The following CRHR2 variants were observed in gnomAD, a reference collection of about 807,000 sequenced individuals.
CRHR2 encodes the protein corticotropin releasing hormone receptor 2, also known as corticotropin-releasing hormone receptor 2.
CRHR2 carries 53 observed loss-of-function variants against 57.9 expected under a neutral mutation model. The observed-to-expected ratio is 0.92, with a 90% confidence interval of 0.73 to 1.15. The LOEUF (loss-of-function observed/expected upper bound fraction) is 1.15. Ranked by LOEUF, CRHR2 falls within the 50% of genes most tolerant of loss-of-function variation. CRHR2 has a pLI of 0.00. For synonymous variants in CRHR2, 213 were observed against 220.9 expected, an observed-to-expected ratio of 0.96 and a Z score of 0.32; for missense variants, 532 against 542.6, an observed-to-expected ratio of 0.98 and a Z score of 0.19.
chr7:30,665,707 G>T lies in CRHR2; in HGVS notation c.316-68C>A. 1.5e-6 allele frequency: 2 copies of T among 1,338,938 alleles called. No homozygotes were observed. The highest frequency in any genetic ancestry group is 2.1e-6 in the Non-Finnish European group (2 of 958,562). The allele number at this position is 1,338,938 out of a possible 1,614,324, so 82.9% of individuals were successfully genotyped here. On this transcript the variant is annotated intron_variant, in intron 3 of 11. Transcript: ENST00000471646. This position sits in a 1 kb window ranked among gnomAD's most constrained non-coding sequence, Gnocchi z 4.5. ...CGTGGGGGTGGGGCTGGGTATTCCA[G>T]CCGTGGCCACCTCTGTGTCCTGACC...
rs765405966 is a variant in CRHR2 at position 30,653,468 on chromosome 7, C to T, written c.1228G>A (p.Ala410Thr). The part of the protein sequence containing the change: ...ISFHSIKQTA[A>T]V The stretch of plus-strand genomic sequence containing the variant: ...GGTGGGCGACCGAGGGGTCACACAG[C>T]GGCCGTCTGCTTGATGCTGTGGAAG... Residue 410 changes from alanine (A) to threonine (T), a missense_variant, in exon 12 of 12, where the codon GCT (alanine) becomes ACT (threonine). Physicochemically the swap from Ala to Thr is moderately conservative, Grantham distance 58. Transcript: ENST00000471646. The surrounding 1 kb of genome is among the most constrained non-coding windows in gnomAD (Gnocchi z 5.0). The T allele has an allele frequency of 7.6e-5, 122 of 1,612,988 alleles. No homozygotes were observed. In the African/African-American group the frequency reaches 1.0e-3, roughly 13 times the overall value.
At chr7:30,661,248 C>T (rs569802367) in intron 7 of CRHR2, among the ~76,000 whole-genome samples, 1 of 152,188 alleles carries the variant, frequency 6.6e-6, no homozygotes, top group African/African-American at 2.4e-5. Context: ...GGGTCTGGGT[C>T]GGCCAGCAAC....
In CRHR2 at chr7:30,679,456, G is replaced by A. The variant is rs76401912; in HGVS notation, c.229+2459C>T. Among the ~76,000 whole-genome samples, 10 of 152,256 alleles carry A rather than the reference G, an allele frequency of 6.6e-5. No homozygotes were observed. In the East Asian group the frequency reaches 1.7e-3, roughly 26 times the overall value. ...TATGTATCTCAGAGGGAGTGTGGGC[G>A]AGTGGGATTATGGATGCCTGAGATA... On this transcript the variant is annotated intron_variant, in intron 2 of 11. Coordinates refer to ENST00000471646, the MANE Select transcript of CRHR2 (RefSeq NM_001883.5).
chr7:30,684,369 G>C (rs1228984861), upstream of CRHR2, among the ~76,000 whole-genome samples: 1 of 152,210 alleles, frequency 6.6e-6, no homozygotes, highest in East Asian at 1.9e-4. Flanking sequence ...GAAATCCTAA[G>C]CCAAGCTTAA....
upstream of CRHR2, among the ~76,000 whole-genome samples, chr7:30,684,306 T>A (rs1309312487): frequency 1.3e-5 from 2 of 152,210 alleles, no homozygotes; most frequent in Non-Finnish European, 2.9e-5. Context: ...ATAGTGTCCC[T>A]CATATACAAG....
rs1783811327 is a variant in CRHR2, at chr7:30,656,941, C to T, written c.832-929G>A. On this transcript the variant is annotated intron_variant, in intron 8 of 11. Transcript: ENST00000471646. This position sits in a 1 kb window ranked among gnomAD's most constrained non-coding sequence, Gnocchi z 4.4. ...CACATCTGCGTTTCTCTTCACCTGC[C>T]TCCGAGCATAGGCAGGCAGGCAGGC... Among the ~76,000 whole-genome samples, 1 of 152,150 alleles carries T rather than the reference C, an allele frequency of 6.6e-6. No homozygotes were observed. Among genetic ancestry groups the T allele is most frequent in the Non-Finnish European group, 1.5e-5 (1 of 68,012 alleles).
rs895344368 is a variant in CRHR2 at position 30,665,785 on chromosome 7, G to A, written c.316-146C>T. 50 of 647,950 alleles carry A rather than the reference G, an allele frequency of 7.7e-5. 1 individual carries two copies. The South Asian group carries it at 8.8e-4, about 11-fold the overall frequency. 40.1% of individuals were successfully genotyped at this position (647,950 alleles called of 1,614,324 possible). On this transcript the variant is annotated intron_variant, in intron 3 of 11. Coordinates refer to ENST00000471646, the MANE Select transcript of CRHR2 (RefSeq NM_001883.5). This position sits in a 1 kb window ranked among gnomAD's most constrained non-coding sequence, Gnocchi z 4.5. ...TTGCCGTGCCTGGCTCTTAGGGTTC[G>A]TTCCTGTTGGCCCTGGGTGGCTCTT...
At chr7:30,654,040 C>T (rs770177442) in intron 11 of CRHR2, among the ~76,000 whole-genome samples, 4 of 152,142 alleles carry the variant, frequency 2.6e-5, no homozygotes, top group Non-Finnish European at 5.9e-5. Context: ...AAGACCGTCC[C>T]CTCTGCACCC....
At position 30,655,718 on chromosome 7, in the gene CRHR2, G is replaced by A; in HGVS notation, c.918-3C>T. On this transcript the variant is annotated splice_polypyrimidine_tract_variant and splice_region_variant and intron_variant, in intron 9 of 11. Coordinates refer to ENST00000471646, the MANE Select transcript of CRHR2 (RefSeq NM_001883.5). ...CCAGGGTGGCCTTCACTGCCTTCCT[G>A]GGGGCGAGAGGTGGACACAGGTCTG... 1 of 1,612,700 alleles carries A rather than the reference G, an allele frequency of 6.2e-7. No homozygotes were observed. The highest frequency in any genetic ancestry group is 8.5e-7 in the Non-Finnish European group (1 of 1,179,184).
intron 2 of CRHR2, among the ~76,000 whole-genome samples, chr7:30,672,385 G>A (rs1371033144): frequency 2.0e-5 from 3 of 152,240 alleles, no homozygotes; most frequent in Non-Finnish European, 4.4e-5. Context: ...AGCCTCTAAA[G>A]GCATGTCCTG....
rs754175579 is a variant in CRHR2, at chr7:30,655,652, G to T, written c.981C>A (p.Phe327Leu). ...ACAGGTCGTCCTCCCCGGGATTGAC[G>T]AAGAAGAGCATGTAGGTGATGCCCA... The part of the protein sequence containing the change: ...PLLGITYMLF[F>L]VNPGEDDLSQ... The change falls in exon 10 of 12, where the codon TTC becomes TTA. Residue 327 changes from phenylalanine to leucine, a missense_variant. Phe to Leu is a conservative substitution (Grantham distance 22, BLOSUM62 0). Transcript: ENST00000471646. 6.2e-7 allele frequency: 1 copy of T among 1,614,174 alleles called. No homozygotes were observed. Among genetic ancestry groups the T allele is most frequent in the Non-Finnish European group, 8.5e-7 (1 of 1,179,996 alleles).
chr7:30,671,295 G>C (rs990835189), intron 2 of CRHR2, among the ~76,000 whole-genome samples: 1 of 152,148 alleles, frequency 6.6e-6, no homozygotes, highest in Non-Finnish European at 1.5e-5. Flanking sequence ...CAAGCATCCT[G>C]ACATCACCAT....
At chr7:30,693,011 G>A (rs1784990148) in intron 1 of CRHR2, among the ~76,000 whole-genome samples, 1 of 152,204 alleles carries the variant, frequency 6.6e-6, no homozygotes, top group African/African-American at 2.4e-5. Flanking sequence ...GGGTGGCTGT[G>A]GGGCTCAGGA....
intron 1 of CRHR2, among the ~76,000 whole-genome samples, chr7:30,694,713 A>T (rs1785023937): frequency 6.6e-6 from 1 of 151,938 alleles, no homozygotes; most frequent in African/African-American, 2.4e-5. Flanking sequence ...AGTGGATTTC[A>T]TTGAGCCTGA....
intron 7 of CRHR2, among the ~76,000 whole-genome samples, chr7:30,661,400 C>G (rs1783993297): frequency 2.6e-5 from 4 of 152,166 alleles, no homozygotes; most frequent in Admixed American, 6.5e-5. Flanking sequence ...CCTCCTTTGA[C>G]AGGAAGCTCA....
chr7:30,685,833 C>T (rs559248989), upstream of CRHR2, among the ~76,000 whole-genome samples: 164 of 152,290 alleles, frequency 1.1e-3, 2 homozygotes, highest in South Asian at 0.031. Flanking sequence ...GCAGATAAAA[C>T]GATGTTTTAT....
rs369312028 is a variant in CRHR2, at chr7:30,662,197, G to A, written c.717C>T (p.Ile239=). ...AGAGCTTGCCGATGGCCCAGGCGAC[G>A]ATGATGGGGAAGGGGATGCCTGAAA... The part of the protein sequence containing the change: ...FIGWCIPFPI[I]VAWAIGKLYY... The change falls in exon 7 of 12, where the codon ATC becomes ATT. Residue 239 remains isoleucine (I), a synonymous_variant. Transcript: ENST00000471646. 24 of 1,614,002 alleles carry A rather than the reference G, an allele frequency of 1.5e-5. No homozygotes were observed. Among genetic ancestry groups the A allele is most frequent in the African/African-American group, 6.7e-5 (5 of 74,910 alleles).
chr7:30,660,387 G>C (rs892883596), intron 8 of CRHR2, among the ~76,000 whole-genome samples, 186 bp downstream of exon 8: 4 of 152,222 alleles, frequency 2.6e-5, no homozygotes, highest in Admixed American at 2.6e-4. Flanking sequence ...CCAGGGCATC[G>C]AGCATGAGGA....
chr7:30,654,957 C>T (rs8192491), intron 11 of CRHR2, 82 bp downstream of exon 11: 28,714 of 1,573,360 alleles, frequency 0.018, 325 homozygotes, highest in Middle Eastern at 0.022. Flanking sequence ...CCAGCAAGGC[C>T]GGGCAGCACC....
Sources: allele counts gnomAD v4.1 joint callset (sites outside exome capture counted in the v4.1 genomes callset), GRCh38; gene constraint gnomAD v4.1.1; non-coding constraint Gnocchi (gnomAD v3.1); transcripts MANE v1.5; gene names NCBI Gene and HGNC (gene_info 2026-07-23, HGNC 2026-07-21).